The following PCDHGB4 variants were observed in gnomAD, a reference collection of about 807,000 sequenced individuals.
PCDHGB4 encodes the protein protocadherin gamma-B4.
A neutral mutation model predicts 60.5 loss-of-function variants in PCDHGB4; 38 were observed. That is an observed-to-expected ratio of 0.63 (90% confidence interval 0.48 to 0.82). The LOEUF (loss-of-function observed/expected upper bound fraction) is 0.82. Ranked by LOEUF, PCDHGB4 falls within the 40% of genes least tolerant of loss-of-function variation. The probability of loss-of-function intolerance (pLI) is 0.00; values close to 1 mark genes in which losing one functional copy is unlikely to be tolerated. For synonymous variants in PCDHGB4, 456 were observed against 509.7 expected, an observed-to-expected ratio of 0.89 and a Z score of 1.42; for missense variants, 1,109 against 1,209.6, an observed-to-expected ratio of 0.92 and a Z score of 1.23.
chr5:141,483,573 G>A (rs2099583012), intron 1 of PCDHGB4, among the ~76,000 whole-genome samples: 1 of 152,072 alleles, frequency 6.6e-6, no homozygotes, highest in Non-Finnish European at 1.5e-5. Context: ...GTGAATTCTG[G>A]CATAAACACC....
chr5:141,393,861 A>G (rs1324870023), intron 1 of PCDHGB4: 11 of 1,613,904 alleles, frequency 6.8e-6, no homozygotes, highest in Non-Finnish European at 9.3e-6. Context: ...AGTGATCATT[A>G]CGTCTTTGTT....
rs752171326 is a variant in PCDHGB4 at position 141,395,310 on chromosome 5, A to C, written c.2397+5029A>C. The stretch of plus-strand genomic sequence containing the variant: ...TGGCATAAATTATGTTTTGAAAAAC[A>C]TTGTGAAGATAGTTGAAAATAATTT... On this transcript the variant is annotated intron_variant, in intron 1 of 3. Transcript: ENST00000519479. The C allele has an allele frequency of 3.3e-6, 5 of 1,502,410 alleles. No homozygotes were observed. In the East Asian group the frequency reaches 1.1e-4, roughly 34 times the overall value. 93.1% of individuals were successfully genotyped at this position (1,502,410 alleles called of 1,614,324 possible).
rs575250872 is a variant in PCDHGB4, at chr5:141,490,163, T to C, written c.2398-4644T>C. ...GGGGCAATCCATGTGTTGGGTCCCA[T>C]AGACTTTGAGGAGTCACGTTTCTAT... On this transcript the variant is annotated intron_variant, in intron 1 of 3. Transcript: ENST00000519479. This position sits in a 1 kb window ranked among gnomAD's most constrained non-coding sequence, Gnocchi z 5.4. 2 of 1,614,234 alleles carry C rather than the reference T, an allele frequency of 1.2e-6. No homozygotes were observed. The highest frequency in any genetic ancestry group is 2.2e-5 in the East Asian group (1 of 44,886).
intron 1 of PCDHGB4, among the ~76,000 whole-genome samples, chr5:141,452,542 C>T (rs2098743637): frequency 6.6e-6 from 1 of 152,180 alleles, no homozygotes; most frequent in Admixed American, 6.6e-5. Flanking sequence ...CATATTGATA[C>T]CTCCAGTTCT....
In PCDHGB4 at chr5:141,512,009, CAAGTT is replaced by C. The variant is rs1409890580; in HGVS notation, c.*838_*842del. On this transcript the variant is annotated 3_prime_UTR_variant, in exon 4 of 4. Transcript: ENST00000519479. ...GGGGCATGGACAAAGCTTGACACATCAAGTTATCAAGGCCTTGGAGGAGGCTCTGT... is the reference window on the plus strand; with the variant it reads ...GGGGCATGGACAAAGCTTGACACATCATCAAGGCCTTGGAGGAGGCTCTGT... 1 of 153,074 alleles carries C rather than the reference CAAGTT, an allele frequency of 6.5e-6. No individual in the cohort carries two copies. The highest frequency in any genetic ancestry group is 1.9e-4 in the East Asian group (1 of 5,182). 9.5% of individuals were successfully genotyped at this position (153,074 alleles called of 1,614,324 possible).
chr5:141,409,883 C>T lies in PCDHGB4; in HGVS notation c.2397+19602C>T, dbSNP rs530193346. 1.2e-6 allele frequency: 2 copies of T among 1,612,988 alleles called. No individual in the cohort carries two copies. The highest frequency in any genetic ancestry group is 3.3e-5 in the Admixed American group (2 of 59,964). ...GGGAGACCGCAATGACAACGCACCGCGGGTGCTGTACCCAGCTCTGGGTCC... is the reference window on the plus strand; with the variant it reads ...GGGAGACCGCAATGACAACGCACCGTGGGTGCTGTACCCAGCTCTGGGTCC... On this transcript the variant is annotated intron_variant, in intron 1 of 3. Transcript: ENST00000519479.
Position 141,485,987 on chromosome 5 carries a change from G to T in PCDHGB4, c.2398-8820G>T. 1 of 1,614,170 alleles carries T rather than the reference G, an allele frequency of 6.2e-7. No homozygotes were observed. On this transcript the variant is annotated intron_variant, in intron 1 of 3. Transcript: ENST00000519479. The surrounding 1 kb of genome is among the most constrained non-coding windows in gnomAD (Gnocchi z 5.7). ...GCTCAATGCCTCAGACCCGGACCTG[G>T]GTCCCAGTGGTAACGTCACCTTTTA...
In PCDHGB4 at chr5:141,487,258, G is replaced by T. The variant is rs368598017; in HGVS notation, c.2398-7549G>T. On this transcript the variant is annotated intron_variant, in intron 1 of 3. Transcript: ENST00000519479. The surrounding 1 kb of genome is among the most constrained non-coding windows in gnomAD (Gnocchi z 5.0). ...CTCGTCTAACCCTCTACTTGGCTGT[G>T]TCCCTAGTGGCAATTTGCTTTGTCT... 1.5e-4 allele frequency: 240 copies of T among 1,614,026 alleles called. 1 individual carries two copies. The highest frequency in any genetic ancestry group is 3.3e-5 in the Admixed American group (2 of 60,004).
intron 1 of PCDHGB4, among the ~76,000 whole-genome samples, chr5:141,459,095 G>A (rs61275874): frequency 0.28 from 42,440 of 152,066 alleles, 6,652 homozygotes; most frequent in African/African-American, 0.43. Context: ...ATTATACAGT[G>A]CAATGCATTT....
intron 1 of PCDHGB4, among the ~76,000 whole-genome samples, chr5:141,444,192 A>ATT: frequency 1.9e-5 from 1 of 52,730 alleles, no homozygotes; most frequent in African/African-American, 7.7e-5. Flanking sequence ...TTTTTTTGAG[A>ATT]TGGAGTTTCA....
Position 141,388,871 on chromosome 5 carries a change from C to G in PCDHGB4, c.987C>G (p.Cys329Trp). The G allele has an allele frequency of 6.2e-7, 1 of 1,613,930 alleles. No individual in the cohort carries two copies. Among genetic ancestry groups the G allele is most frequent in the Non-Finnish European group, 8.5e-7 (1 of 1,179,854 alleles). ...ACGGTGGAGGAATGATTGCGCAATG[C>G]ACAGTGGAGGTAGAAGTCATAGATG... The part of the protein sequence containing the change: ...ARDGGGMIAQ[C>W]TVEVEVIDEN... Residue 329 changes from cysteine (C) to tryptophan (W), a missense_variant, in exon 1 of 4, where the codon TGC (cysteine) becomes TGG (tryptophan). Coordinates refer to ENST00000519479, the MANE Select transcript of PCDHGB4 (RefSeq NM_003736.4).
intron 1 of PCDHGB4, among the ~76,000 whole-genome samples, chr5:141,396,987 T>C (rs2093462210): frequency 6.6e-6 from 1 of 152,232 alleles, no homozygotes; most frequent in Admixed American, 6.5e-5. Context: ...GCTAGTTGTT[T>C]TTATTAATCT....
At chr5:141,509,968 C>A (rs1450809995) in intron 3 of PCDHGB4, among the ~76,000 whole-genome samples, 1 of 152,166 alleles carries the variant, frequency 6.6e-6, no homozygotes, top group Non-Finnish European at 1.5e-5. Context: ...TGGCCTTGGT[C>A]CTTCTAACAC....
At chr5:141,415,094 A>G in intron 1 of PCDHGB4, 1 of 1,613,530 alleles carries the variant, frequency 6.2e-7, no homozygotes, top group Non-Finnish European at 8.5e-7. Flanking sequence ...CTGGACAGAG[A>G]CGCGCTCAAG....
intron 2 of PCDHGB4, among the ~76,000 whole-genome samples, chr5:141,498,618 G>A (rs191513899): frequency 1.3e-5 from 2 of 152,220 alleles, no homozygotes; most frequent in East Asian, 3.9e-4. Context: ...TCAGCACTGG[G>A]TCACACTGCC....
rs371490086 is a variant in PCDHGB4 at position 141,405,329 on chromosome 5, G to A, written c.2397+15048G>A. 241 of 1,614,168 alleles carry A rather than the reference G, an allele frequency of 1.5e-4. No individual in the cohort carries two copies. Among genetic ancestry groups the A allele is most frequent in the African/African-American group, 1.1e-3 (80 of 75,034 alleles). The stretch of plus-strand genomic sequence containing the variant: ...CTGTGAGAAAAATGAGCCTTTGTGC[G>A]TCTCTGTTGATTCCAAGTTTCCTAT... On this transcript the variant is annotated intron_variant, in intron 1 of 3. Coordinates refer to ENST00000519479, the MANE Select transcript of PCDHGB4 (RefSeq NM_003736.4).
chr5:141,407,478 A>G (rs1230151085), intron 1 of PCDHGB4, among the ~76,000 whole-genome samples: 1 of 144,006 alleles, frequency 6.9e-6, no homozygotes, highest in Non-Finnish European at 1.6e-5. Flanking sequence ...TGAATGGAGT[A>G]TGGAAAATCT....
chr5:141,448,903 C>A (rs1460471063), intron 1 of PCDHGB4, among the ~76,000 whole-genome samples: 2 of 152,112 alleles, frequency 1.3e-5, no homozygotes, highest in Non-Finnish European at 2.9e-5. Context: ...CGAGATCGTG[C>A]CACTGCACTC....
chr5:141,433,042 G>C (rs752612411), intron 1 of PCDHGB4: 6 of 1,614,142 alleles, frequency 3.7e-6, no homozygotes, highest in Non-Finnish European at 5.1e-6. Flanking sequence ...CCCTCACCAC[G>C]GACTCGCGGA....
Sources: gnomAD v4.1 joint callset for allele counts (sites outside exome capture counted in the v4.1 genomes callset) on GRCh38, gnomAD v4.1.1 for gene constraint, Gnocchi (gnomAD v3.1) non-coding constraint, MANE v1.5 for transcripts, NCBI Gene and HGNC (gene_info 2026-07-23, HGNC 2026-07-21) for gene names.